The following SATB1 variants were observed in gnomAD, a reference collection of about 807,000 sequenced individuals.
SATB1 encodes the protein DNA-binding protein SATB1.
SATB1 carries 11 observed loss-of-function variants against 86.9 expected under a neutral mutation model. The observed-to-expected ratio is 0.13, with a 90% CI of 0.08 to 0.21. SATB1 has a LOEUF of 0.21. Among genes scored for constraint, SATB1 ranks in the 10% least tolerant of loss-of-function variants. The probability of loss-of-function intolerance (pLI) is 1.00; values close to 1 mark genes in which losing one functional copy is unlikely to be tolerated. For missense variants in SATB1, 551 were observed against 937.6 expected (o/e 0.59, Z 5.39); for synonymous variants, 357 against 357.2 (o/e 1.00, Z 0.01).
At chr3:18,443,232 A>G (rs1048855414), upstream of SATB1, among the ~76,000 whole-genome samples, 1 of 152,118 alleles carries the variant, frequency 6.6e-6, no homozygotes, top group Non-Finnish European at 1.5e-5. The surrounding 1 kb of genome is among the most constrained non-coding windows in gnomAD (Gnocchi z 4.4). Flanking sequence ...GTAACATTTT[A>G]CTCATTCTTA....
intron 3 of SATB1, 29 bp from the exon 4 acceptor site, chr3:18,416,162 A>C: frequency 6.4e-7 from 1 of 1,566,114 alleles, no homozygotes; most frequent in Non-Finnish European, 8.7e-7. Context: ...ATATGTCACT[A>C]AATATTTTAC....
At chr3:18,437,700 A>C (rs1699111261) in intron 1 of SATB1, among the ~76,000 whole-genome samples, 1 of 152,202 alleles carries the variant, frequency 6.6e-6, no homozygotes, top group African/African-American at 2.4e-5. Flanking sequence ...AAATTTTTAA[A>C]ACATAGTTAT....
intron 7 of SATB1, among the ~76,000 whole-genome samples, chr3:18,391,859 T>TA (rs1163197426): frequency 1.4e-4 from 22 of 152,096 alleles, no homozygotes; most frequent in Admixed American, 1.3e-3. Context: ...GCATAATCAT[T>TA]AAAAAATAAA....
intron 2 of SATB1, chr3:18,417,649 C>G (rs1698187433): frequency 2.9e-6 from 2 of 698,030 alleles, no homozygotes; most frequent in Non-Finnish European, 5.2e-6. Context: ...CTAACTGGTT[C>G]CACAAAAAGT....
intron 2 of SATB1, among the ~76,000 whole-genome samples, chr3:18,419,680 T>A (rs1698293284): frequency 2.6e-5 from 4 of 152,220 alleles, no homozygotes; most frequent in Admixed American, 2.6e-4. Flanking sequence ...TTAATGCTCT[T>A]ACCCTGGCTT....
chr3:18,431,658 A>C (rs1698894535), intron 2 of SATB1, among the ~76,000 whole-genome samples: 2 of 152,226 alleles, frequency 1.3e-5, no homozygotes, highest in African/African-American at 4.8e-5. Context: ...ACAGAGAATC[A>C]AATACTCAGG....
At chr3:18,398,510 T>C (rs1384628892) in intron 5 of SATB1, among the ~76,000 whole-genome samples, 1 of 152,154 alleles carries the variant, frequency 6.6e-6, no homozygotes, top group Non-Finnish European at 1.5e-5. Context: ...AAAGTATTTT[T>C]ATATAATTAT....
intron 5 of SATB1, among the ~76,000 whole-genome samples, chr3:18,398,668 C>T (rs1460187814): frequency 6.6e-6 from 1 of 152,112 alleles, no homozygotes; most frequent in Non-Finnish European, 1.5e-5. Context: ...GAAGGATAAG[C>T]TGGAGTCGCA....
chr3:18,382,913 A>G (rs1696135793), intron 8 of SATB1, among the ~76,000 whole-genome samples: 1 of 152,328 alleles, frequency 6.6e-6, no homozygotes, highest in African/African-American at 2.4e-5. Context: ...AGGATTTGAA[A>G]ACTCTGACTC....
chr3:18,374,901 C>A (rs1160387867), intron 9 of SATB1, among the ~76,000 whole-genome samples: 1 of 152,150 alleles, frequency 6.6e-6, no homozygotes, highest in Non-Finnish European at 1.5e-5. Context: ...CTTTTGCATA[C>A]ATTGTAGCAT....
rs9682713 is a variant in SATB1, at chr3:18,400,331, C to T, written c.640-3041G>A. On this transcript the variant is annotated intron_variant, in intron 5 of 10. Transcript: ENST00000338745. The stretch of plus-strand genomic sequence containing the variant: ...AATGCCTGGCATGCATTAATATAAA[C>T]ACTAAATGTTCATCTGACAAAACAG... Among the ~76,000 whole-genome samples, 1,149 of 152,202 alleles carry T rather than the reference C, an allele frequency of 7.5e-3. 10 individuals carry two copies. Among genetic ancestry groups the T allele is most frequent in the African/African-American group, 0.026 (1,093 of 41,530 alleles).
Position 18,386,654 on chromosome 3 carries a change from T to G in SATB1, c.1207-43A>C, listed in dbSNP as rs1696359320. On this transcript the variant is annotated intron_variant, in intron 7 of 10. Transcript: ENST00000338745. This position sits in a 1 kb window ranked among gnomAD's most constrained non-coding sequence, Gnocchi z 4.5. ...CACAGGGTGAGCCTGCTGCCTTGCTTTGCCTGGCCAGCAGTGATCCTTCCC... is the reference window on the plus strand; with the variant it reads ...CACAGGGTGAGCCTGCTGCCTTGCTGTGCCTGGCCAGCAGTGATCCTTCCC... 2.0e-6 allele frequency: 3 copies of G among 1,525,276 alleles called. No homozygotes were observed. In the Admixed American group the frequency reaches 5.0e-5, roughly 26 times the overall value. 94.5% of individuals were successfully genotyped at this position (1,525,276 alleles called of 1,614,324 possible). A position where few individuals can be genotyped will look rare whatever the true frequency, so the allele number is the denominator to read the frequency against.
chr3:18,426,477 A>G (rs541098788), upstream of SATB1, among the ~76,000 whole-genome samples: 2 of 152,378 alleles, frequency 1.3e-5, no homozygotes, highest in Admixed American at 1.3e-4. This position sits in a 1 kb window ranked among gnomAD's most constrained non-coding sequence, Gnocchi z 4.2. Context: ...TTCTGCTGTA[A>G]TCTAGGGTAG....
chr3:18,441,435 T>C (rs1010136549), upstream of SATB1, among the ~76,000 whole-genome samples: 2 of 152,176 alleles, frequency 1.3e-5, no homozygotes, highest in Non-Finnish European at 2.9e-5. Context: ...AAAACATTTT[T>C]GCATTCAACT....
chr3:18,393,196 T>C (rs1169827629), intron 7 of SATB1, among the ~76,000 whole-genome samples: 1 of 151,736 alleles, frequency 6.6e-6, no homozygotes, highest in Non-Finnish European at 1.5e-5. Context: ...AACTTAAATA[T>C]GAAAGGAAAA....
chr3:18,406,406 T>C (rs1697535316), intron 5 of SATB1, among the ~76,000 whole-genome samples: 1 of 152,022 alleles, frequency 6.6e-6, no homozygotes, highest in Admixed American at 6.6e-5. Flanking sequence ...TATTTTACTC[T>C]TGAATATGAG....
intron 9 of SATB1, among the ~76,000 whole-genome samples, chr3:18,362,027 T>C (rs9310548): frequency 0.35 from 53,220 of 151,944 alleles, 10,344 homozygotes; most frequent in Admixed American, 0.5. Flanking sequence ...AGTTTTGTAA[T>C]AAAAATATAT....
intron 2 of SATB1, among the ~76,000 whole-genome samples, chr3:18,431,834 A>G (rs1003349502): frequency 2.0e-5 from 3 of 152,326 alleles, no homozygotes; most frequent in Middle Eastern, 3.4e-3. Flanking sequence ...CTACTGGATC[A>G]TTGATTTGGC....
chr3:18,442,048 T>C (rs879656951), upstream of SATB1, among the ~76,000 whole-genome samples: 29 of 152,296 alleles, frequency 1.9e-4, no homozygotes, highest in Admixed American at 1.2e-3. Flanking sequence ...TTGAATACTT[T>C]TACATACAAA....
Sources: allele counts gnomAD v4.1 joint callset (sites outside exome capture counted in the v4.1 genomes callset), GRCh38; gene constraint gnomAD v4.1.1; non-coding constraint Gnocchi (gnomAD v3.1); transcripts MANE v1.5; gene names NCBI Gene and HGNC (gene_info 2026-07-23, HGNC 2026-07-21).